Variants in DAOA observed in about 807,000 individuals in gnomAD.
DAOA encodes D-amino acid oxidase activator, also known as D-amino acid oxidase regulator.
DAOA carries 15 observed loss-of-function variants against 16.4 expected under a neutral mutation model. The observed-to-expected ratio is 0.91, with a 90% confidence interval of 0.61 to 1.41. DAOA has a LOEUF of 1.41. Ranked by LOEUF, DAOA falls within the 40% of genes most tolerant of loss-of-function variation. DAOA has a pLI of 0.00. For synonymous variants in DAOA, 75 were observed against 59.1 expected (o/e 1.27, Z -1.23); for missense variants, 230 against 176.8 (o/e 1.30, Z -1.71).
chr13:105,470,102 T>A (rs957518167), intron 3 of DAOA, among the ~76,000 whole-genome samples: 6 of 146,030 alleles, frequency 4.1e-5, no homozygotes, highest in African/African-American at 1.5e-4. Context: ...GGATTAATCA[T>A]CTTGCTCATT....
intron 4 of DAOA, among the ~76,000 whole-genome samples, chr13:105,485,253 T>C (rs1371803444): frequency 6.6e-6 from 1 of 152,174 alleles, no homozygotes; most frequent in African/African-American, 2.4e-5. Context: ...AACCACCAAA[T>C]CTACAGCTCC....
intron 4 of DAOA, among the ~76,000 whole-genome samples, chr13:105,479,314 G>A (rs1877551098): frequency 6.6e-6 from 1 of 152,146 alleles, no homozygotes; most frequent in East Asian, 1.9e-4. Context: ...TATCATTATT[G>A]TCTGTGATCT....
chr13:105,489,705 T>A, intron 4 of DAOA, 196 bp from the exon 5 acceptor site: 4 of 1,178,598 alleles, frequency 3.4e-6, no homozygotes, highest in Non-Finnish European at 4.7e-6. Flanking sequence ...TATGTAGTTG[T>A]GGCAGTTAGA....
At chr13:105,484,295 A>G (rs1165709418) in intron 4 of DAOA, among the ~76,000 whole-genome samples, 1 of 152,112 alleles carries the variant, frequency 6.6e-6, no homozygotes, top group Non-Finnish European at 1.5e-5. Context: ...TTCTTTTAGA[A>G]AAGTGTTACA....
intron 4 of DAOA, among the ~76,000 whole-genome samples, chr13:105,473,399 A>G (rs1877124335): frequency 1.3e-5 from 2 of 152,130 alleles, no homozygotes. Flanking sequence ...GCTTAACGAG[A>G]ATAAGCAACA....
Position 105,467,112 on chromosome 13 carries a change from G to A in DAOA, c.104G>A (p.Ser35Asn), listed in dbSNP as rs749461729. Reference protein sequence around the residue: ...FIGFQRSILLSKSENSLNSIA... With the variant: ...FIGFQRSILLNKSENSLNSIA... ...GGTTTTCAAAGGAGCATTCTTCTGA[G>A]CAAATCTGAAAACTCTCTAAACTCT... Residue 35 changes from serine (S) to asparagine (N), a missense_variant, in exon 3 of 6, where the codon AGC (serine) becomes AAC (asparagine). Coordinates refer to ENST00000375936, the MANE Select transcript of DAOA (RefSeq NM_172370.5). The A allele has an allele frequency of 6.2e-7, 1 of 1,610,394 alleles. No homozygotes were observed. The highest frequency in any genetic ancestry group is 1.1e-5 in the South Asian group (1 of 90,754).
intron 4 of DAOA, among the ~76,000 whole-genome samples, chr13:105,481,044 T>A (rs527495619): frequency 6.6e-6 from 1 of 152,322 alleles, no homozygotes; most frequent in African/African-American, 2.4e-5. Flanking sequence ...TCACAGCATC[T>A]AAACCAGCCT....
chr13:105,484,690 A>AG, intron 4 of DAOA, among the ~76,000 whole-genome samples: 1 of 152,184 alleles, frequency 6.6e-6, no homozygotes, highest in East Asian at 1.9e-4. Context: ...ATCATGCATT[A>AG]GCTCTTATAC....
At chr13:105,470,971 G>A (rs907373090) in intron 3 of DAOA, among the ~76,000 whole-genome samples, 1 of 152,030 alleles carries the variant, frequency 6.6e-6, no homozygotes, top group Non-Finnish European at 1.5e-5. Context: ...TTTGTTTTTA[G>A]TACAGATGGG....
In DAOA at chr13:105,485,020, G is replaced by T. The variant is rs914183513; in HGVS notation, c.282-4881G>T. On this transcript the variant is annotated intron_variant, in intron 4 of 5. Coordinates refer to ENST00000375936, the MANE Select transcript of DAOA (RefSeq NM_172370.5). ...TCTTGACGGTTTGTTTTTTCTTATGGCAGGGTTAGTCTGGTCCTTTTTGTT... is the reference window on the plus strand; with the variant it reads ...TCTTGACGGTTTGTTTTTTCTTATGTCAGGGTTAGTCTGGTCCTTTTTGTT... Among the ~76,000 whole-genome samples, 3 of 152,112 alleles carry T rather than the reference G, an allele frequency of 2.0e-5. No individual in the cohort carries two copies. The East Asian group carries it at 5.8e-4, about 29-fold the overall frequency.
At chr13:105,485,843 T>C (rs2139201951) in intron 4 of DAOA, among the ~76,000 whole-genome samples, 1 of 152,298 alleles carries the variant, frequency 6.6e-6, no homozygotes, top group South Asian at 2.1e-4. Context: ...AGAAGGACAT[T>C]GAACAGATTT....
chr13:105,489,571 C>A (rs1425213435), intron 4 of DAOA, among the ~76,000 whole-genome samples: 1 of 152,186 alleles, frequency 6.6e-6, no homozygotes, highest in Admixed American at 6.5e-5. Flanking sequence ...TTAAAACTTT[C>A]TCAGTAAGCT....
intron 4 of DAOA, among the ~76,000 whole-genome samples, chr13:105,487,975 G>C (rs1878248277): frequency 6.6e-6 from 1 of 152,154 alleles, no homozygotes; most frequent in Non-Finnish European, 1.5e-5. Flanking sequence ...AGCTGATCAT[G>C]CTACTTCAAT....
intron 4 of DAOA, among the ~76,000 whole-genome samples, chr13:105,474,168 A>G (rs150686448): frequency 1.3e-5 from 2 of 152,216 alleles, no homozygotes; most frequent in Non-Finnish European, 2.9e-5. Context: ...TTATTTATTT[A>G]TACTGAATGA....
chr13:105,470,839 C>T (rs1034347075), intron 3 of DAOA, among the ~76,000 whole-genome samples: 3 of 151,698 alleles, frequency 2.0e-5, no homozygotes, highest in Non-Finnish European at 2.9e-5. Context: ...GGCCCAGGCT[C>T]GAGTGCAGTG....
chr13:105,483,248 C>A (rs1468481155), intron 4 of DAOA, among the ~76,000 whole-genome samples: 1 of 152,122 alleles, frequency 6.6e-6, no homozygotes, highest in Non-Finnish European at 1.5e-5. Flanking sequence ...TCCATCCATT[C>A]CTCTGTTGAT....
At chr13:105,489,831 T>C in intron 4 of DAOA, 70 bp from the exon 5 acceptor site, 3 of 1,613,466 alleles carry the variant, frequency 1.9e-6, no homozygotes, top group South Asian at 2.2e-5. Flanking sequence ...GGAAAGGTGA[T>C]GACACTTGAC....
At position 105,490,189 on chromosome 13, in the gene DAOA, C is replaced by T. The variant is rs886248689; in HGVS notation, c.*108C>T. 6.2e-5 allele frequency: 79 copies of T among 1,267,528 alleles called. No homozygotes were observed. The highest frequency in any genetic ancestry group is 2.0e-4 in the Middle Eastern group (1 of 4,898). The allele number at this position is 1,267,528 out of a possible 1,614,324, so 78.5% of individuals were successfully genotyped here. Reference sequence around the variant, plus strand: ...TGTGTCTGGGACCCAGCTGATAACACGTGGTAATATGTTTTATAAAATTAT... The same window carrying T: ...TGTGTCTGGGACCCAGCTGATAACATGTGGTAATATGTTTTATAAAATTAT... On this transcript the variant is annotated 3_prime_UTR_variant, in exon 5 of 6. Coordinates refer to ENST00000375936, the MANE Select transcript of DAOA (RefSeq NM_172370.5).
At chr13:105,490,444 G>A (rs868844859) in intron 5 of DAOA, 2 of 153,344 alleles carry the variant, frequency 1.3e-5, no homozygotes, top group African/African-American at 4.8e-5. Context: ...TTTTTGAATA[G>A]TTAGTGAATT....
Sources: gnomAD v4.1 joint callset for allele counts (sites outside exome capture counted in the v4.1 genomes callset) on GRCh38, gnomAD v4.1.1 for gene constraint, MANE v1.5 for transcripts, NCBI Gene and HGNC (gene_info 2026-07-23, HGNC 2026-07-21) for gene names.